Variants in PTN observed in about 807,000 individuals in gnomAD.
The protein encoded by PTN is heparin affin regulatory protein.
In PTN, 18 loss-of-function variants were observed where a neutral mutation model predicts 24.1. The ratio of observed to expected loss-of-function variants is 0.75; its 90% CI spans 0.52 to 1.11. PTN has a LOEUF of 1.11. Ranked by LOEUF, PTN falls within the 50% of genes least tolerant of loss-of-function variation. The pLI, the probability that PTN is intolerant of heterozygous loss-of-function variation, is 0.00. For synonymous variants in PTN, 78 were observed against 68.6 expected, an observed-to-expected ratio of 1.14 and a Z score of -0.67; for missense variants, 163 against 198.8, an observed-to-expected ratio of 0.82 and a Z score of 1.08.
At chr7:137,273,388 G>A (rs1329024913) in intron 1 of PTN, among the ~76,000 whole-genome samples, 1 of 152,158 alleles carries the variant, frequency 6.6e-6, no homozygotes, top group East Asian at 1.9e-4. Flanking sequence ...ACCTGCCTGA[G>A]ACTGGGTAAT....
At chr7:137,289,082 T>C (rs963298498) in intron 1 of PTN, among the ~76,000 whole-genome samples, 4 of 152,180 alleles carry the variant, frequency 2.6e-5, no homozygotes, top group African/African-American at 9.7e-5. Flanking sequence ...ATTATTACCA[T>C]TTACAGATCG....
chr7:137,310,380 A>C (rs1291887020), intron 1 of PTN, among the ~76,000 whole-genome samples: 1 of 146,032 alleles, frequency 6.8e-6, no homozygotes, highest in Non-Finnish European at 1.5e-5. Context: ...CTTCAAATTC[A>C]AGTTACCATG....
Position 137,227,938 on chromosome 7 carries a change from C to G in PTN, c.*82G>C, listed in dbSNP as rs988066973. 1.4e-5 allele frequency: 22 copies of G among 1,518,912 alleles called. No individual in the cohort carries two copies. The highest frequency in any genetic ancestry group is 1.8e-5 in the Non-Finnish European group (20 of 1,137,896). 94.1% of individuals were successfully genotyped at this position (1,518,912 alleles called of 1,614,324 possible). A position where few individuals can be genotyped will look rare whatever the true frequency, so the allele number is the denominator to read the frequency against. ...CTTAGCTATAGATAATTTTTGAATACAAAGCCTACGGTACATATAAATGCA... is the reference window on the plus strand; with the variant it reads ...CTTAGCTATAGATAATTTTTGAATAGAAAGCCTACGGTACATATAAATGCA... On this transcript the variant is annotated 3_prime_UTR_variant, in exon 5 of 5. Transcript: ENST00000348225.
chr7:137,267,248 C>A (rs1809168644), intron 1 of PTN, among the ~76,000 whole-genome samples: 1 of 152,052 alleles, frequency 6.6e-6, no homozygotes, highest in Non-Finnish European at 1.5e-5. Flanking sequence ...GTCTCTCTCT[C>A]TTTTCTTGAC....
At chr7:137,230,437 G>A (rs779871648) in intron 4 of PTN, among the ~76,000 whole-genome samples, 8 of 151,724 alleles carry the variant, frequency 5.3e-5, no homozygotes, top group East Asian at 3.9e-4. Flanking sequence ...GGTACTGTCC[G>A]GACACCCTGC....
At chr7:137,305,122 A>T (rs1162485118) in intron 1 of PTN, among the ~76,000 whole-genome samples, 2 of 152,054 alleles carry the variant, frequency 1.3e-5, no homozygotes, top group Non-Finnish European at 2.9e-5. Context: ...ACACACACAG[A>T]GTACATCCTC....
chr7:137,260,801 T>C (rs1203601541), intron 1 of PTN, among the ~76,000 whole-genome samples: 2 of 152,160 alleles, frequency 1.3e-5, no homozygotes, highest in East Asian at 3.9e-4. Context: ...AGCTACAAAA[T>C]ATTTGGGTTT....
In PTN at chr7:137,253,591, C is replaced by A; in HGVS notation, c.162G>T (p.Val54=). The change falls in exon 3 of 5, where the codon GTG becomes GTT. Residue 54 remains valine, a synonymous_variant. Coordinates refer to ENST00000348225, the MANE Select transcript of PTN (RefSeq NM_002825.7). ...KSDCGEWQWS[V]CVPTSGDCGL... is the part of the protein sequence containing the mutation. ...CACAGTCTCCACTGGTGGGCACACA[C>A]ACACTCCACTGCCATTCTCCACAGT... The A allele has an allele frequency of 6.2e-7, 1 of 1,600,258 alleles. No homozygotes were observed. The highest frequency in any genetic ancestry group is 8.5e-7 in the Non-Finnish European group (1 of 1,171,810).
intron 1 of PTN, among the ~76,000 whole-genome samples, chr7:137,263,115 G>A (rs188714443): frequency 6.6e-6 from 1 of 152,308 alleles, no homozygotes; most frequent in Non-Finnish European, 1.5e-5. Flanking sequence ...TTGTGCTGAA[G>A]CATTTTGGTG....
intron 4 of PTN, among the ~76,000 whole-genome samples, chr7:137,238,602 T>C (rs1449425535): frequency 6.6e-6 from 1 of 152,164 alleles, no homozygotes; most frequent in Non-Finnish European, 1.5e-5. Flanking sequence ...CAGTGATCAC[T>C]TGGTTTGGGA....
intron 1 of PTN, among the ~76,000 whole-genome samples, chr7:137,261,251 T>C (rs935538724): frequency 2.0e-5 from 3 of 152,170 alleles, no homozygotes; most frequent in Middle Eastern, 3.2e-3. Flanking sequence ...ATCTGGGCAC[T>C]AGGGATGCTC....
chr7:137,306,466 G>A (rs879751204), intron 1 of PTN, among the ~76,000 whole-genome samples: 4 of 152,008 alleles, frequency 2.6e-5, no homozygotes, highest in Non-Finnish European at 4.4e-5. Context: ...ACTCACGAAA[G>A]GCTAATTATA....
chr7:137,314,597 C>CTT (rs34363631), intron 1 of PTN, among the ~76,000 whole-genome samples: 4,079 of 131,792 alleles, frequency 0.031, 200 homozygotes, highest in African/African-American at 0.096. Flanking sequence ...TTACATGATG[C>CTT]TTTTTTTTTT....
chr7:137,283,735 T>A (rs1444423819), intron 1 of PTN, among the ~76,000 whole-genome samples: 2 of 152,146 alleles, frequency 1.3e-5, no homozygotes, highest in Admixed American at 1.3e-4. Context: ...GAAAGAAATG[T>A]GACTTATTAG....
At chr7:137,266,291 A>T (rs909569445) in intron 1 of PTN, among the ~76,000 whole-genome samples, 1 of 152,008 alleles carries the variant, frequency 6.6e-6, no homozygotes, top group African/African-American at 2.4e-5. Flanking sequence ...CAAAACAATG[A>T]TTTTTTTTAA....
Position 137,253,436 on chromosome 7 carries a change from G to T in PTN, c.289+28C>A, listed in dbSNP as rs377532659. On this transcript the variant is annotated intron_variant, in intron 3 of 4. Transcript: ENST00000348225. ...AAATTTGAGAATTATCTCAGAGTAGGAGATTAACTCAGTAGCATGAGGCTT... is the reference window on the plus strand; with the variant it reads ...AAATTTGAGAATTATCTCAGAGTAGTAGATTAACTCAGTAGCATGAGGCTT... The T allele has an allele frequency of 2.6e-6, 4 of 1,554,718 alleles. No homozygotes were observed. The Admixed American group carries it at 7.5e-5, about 29-fold the overall frequency.
At chr7:137,271,856 C>T (rs950020391) in intron 1 of PTN, among the ~76,000 whole-genome samples, 28 of 152,292 alleles carry the variant, frequency 1.8e-4, no homozygotes, top group African/African-American at 6.5e-4. Flanking sequence ...TTTTTCTTAG[C>T]AATCGACGTG....
chr7:137,250,894 AGTTT>A (rs1808812421), intron 4 of PTN, among the ~76,000 whole-genome samples: 1 of 152,148 alleles, frequency 6.6e-6, no homozygotes, highest in East Asian at 1.9e-4. Context: ...AAACATTCTG[AGTTT>A]GTTTTTCTTG....
At chr7:137,277,877 A>G (rs1323813810) in intron 1 of PTN, among the ~76,000 whole-genome samples, 1 of 100,822 alleles carries the variant, frequency 9.9e-6, no homozygotes, top group Non-Finnish European at 2.0e-5. Context: ...GCCAAAAAAT[A>G]TATATGTAGA....
Sources: allele counts gnomAD v4.1 joint callset (sites outside exome capture counted in the v4.1 genomes callset), GRCh38; gene constraint gnomAD v4.1.1; transcripts MANE v1.5; gene names NCBI Gene and HGNC (gene_info 2026-07-23, HGNC 2026-07-21).